Variants in TRIM29 observed in about 807,000 individuals in gnomAD.
TRIM29 encodes tripartite motif-containing protein 29.
Under a neutral mutation model 57.3 loss-of-function variants are expected in TRIM29, and 52 were observed. The ratio of observed to expected loss-of-function variants is 0.91; its 90% CI spans 0.73 to 1.14. The LOEUF is 1.14. Ranked by LOEUF, TRIM29 falls within the 50% of genes most tolerant of loss-of-function variation. TRIM29 has a pLI of 0.00. For missense variants in TRIM29, 753 were observed against 774.6 expected (o/e 0.97, Z 0.33); for synonymous variants, 319 against 316.9 (o/e 1.01, Z -0.07).
chr11:120,135,057 C>G (rs1863791077), intron 1 of TRIM29, among the ~76,000 whole-genome samples: 1 of 152,170 alleles, frequency 6.6e-6, no homozygotes, highest in Non-Finnish European at 1.5e-5. Flanking sequence ...TCAGCGGCCC[C>G]CATGCCAGAA....
intron 1 of TRIM29, among the ~76,000 whole-genome samples, chr11:120,130,490 T>C (rs1012467776): frequency 3.9e-5 from 6 of 152,242 alleles, no homozygotes; most frequent in Admixed American, 3.9e-4. Context: ...AGCCCTTCCA[T>C]GAAATGAGCA....
At position 120,118,239 on chromosome 11, in the gene TRIM29, G is replaced by A. The variant is rs1377730029; in HGVS notation, c.1611C>T (p.Ser537=). The A allele has an allele frequency of 3.1e-6, 5 of 1,613,918 alleles. No individual in the cohort carries two copies. Among genetic ancestry groups the A allele is most frequent in the Non-Finnish European group, 4.2e-6 (5 of 1,179,964 alleles). Residue 537 remains serine (S), a synonymous_variant, in exon 7 of 9, where the codon TCC becomes TCT. Coordinates refer to ENST00000341846, the MANE Select transcript of TRIM29 (RefSeq NM_012101.4). ...DNDLPVVQGS[S]SFSLKGYPSL... ...CAAGCTCACCTTTCAGGGAGAAGGA[G>A]GAGCTGCCTTGGACGACGGGCAGGT...
intron 8 of TRIM29, among the ~76,000 whole-genome samples, chr11:120,112,693 T>C (rs1863164694): frequency 6.6e-6 from 1 of 152,136 alleles, no homozygotes; most frequent in African/African-American, 2.4e-5. Context: ...TTGGAGTCCA[T>C]TCCCATAGTT....
chr11:120,119,836 C>T (rs1025707244), intron 6 of TRIM29, among the ~76,000 whole-genome samples: 8 of 152,106 alleles, frequency 5.3e-5, no homozygotes, highest in Non-Finnish European at 7.4e-5. Context: ...CCAGGAGCCC[C>T]CAGGACAGAA....
intron 1 of TRIM29, among the ~76,000 whole-genome samples, chr11:120,131,095 G>T (rs1005826542): frequency 6.6e-5 from 10 of 152,170 alleles, no homozygotes; most frequent in Non-Finnish European, 1.3e-4. Context: ...CTAACCACCT[G>T]CAAGTGGCAG....
At chr11:120,123,275 C>T (rs1193478372) in intron 4 of TRIM29, 18 of 687,822 alleles carry the variant, frequency 2.6e-5, no homozygotes, top group Non-Finnish European at 4.5e-5. Flanking sequence ...GCCATCCACC[C>T]TCTTGAACTA....
At chr11:120,113,493 C>T (rs1427523534) in intron 8 of TRIM29, 12 of 376,102 alleles carry the variant, frequency 3.2e-5, no homozygotes, top group Middle Eastern at 8.8e-4. Context: ...CCATGCCCTG[C>T]AGATCCCAAT....
chr11:120,119,586 C>A (rs753013729), intron 6 of TRIM29, among the ~76,000 whole-genome samples: 1 of 152,206 alleles, frequency 6.6e-6, no homozygotes, highest in African/African-American at 2.4e-5. Context: ...CCTGTAGCAG[C>A]GAACAGGACA....
intron 1 of TRIM29, 200 bp from the exon 2 acceptor site, chr11:120,128,695 G>T (rs1223885235): frequency 6.5e-7 from 1 of 1,535,696 alleles, no homozygotes; most frequent in East Asian, 2.4e-5. Flanking sequence ...CTAGCAGTAA[G>T]TTAAATACCA....
At chr11:120,125,381 A>G in intron 4 of TRIM29, 1 of 377,602 alleles carries the variant, frequency 2.6e-6, no homozygotes, top group Non-Finnish European at 4.9e-6. Flanking sequence ...AATTAGATGT[A>G]GATCTGAACG....
At chr11:120,133,303 G>A (rs1186285226) in intron 1 of TRIM29, among the ~76,000 whole-genome samples, 1 of 152,196 alleles carries the variant, frequency 6.6e-6, no homozygotes, top group Non-Finnish European at 1.5e-5. Context: ...AAATAGCGGA[G>A]AGGAATCCCA....
intron 1 of TRIM29, chr11:120,128,804 G>A: frequency 6.5e-7 from 1 of 1,529,834 alleles, no homozygotes; most frequent in African/African-American, 1.4e-5. Context: ...AGAGCAGGAG[G>A]GAAACTCATT....
intron 1 of TRIM29, among the ~76,000 whole-genome samples, chr11:120,129,105 G>C (rs141262177): frequency 6.6e-6 from 1 of 152,332 alleles, no homozygotes; most frequent in East Asian, 1.9e-4. Flanking sequence ...GAAGGAGAAG[G>C]CTGGAGAGGA....
At chr11:120,123,912 G>A (rs776892824) in intron 4 of TRIM29, 1 of 199,630 alleles carries the variant, frequency 5.0e-6, no homozygotes, top group Non-Finnish European at 1.0e-5. Flanking sequence ...GTGGCCTGGT[G>A]TCTCTTAGCG....
intron 5 of TRIM29, chr11:120,122,129 TGA>T: frequency 6.2e-6 from 2 of 324,560 alleles, no homozygotes; most frequent in South Asian, 2.1e-5. Context: ...ATTGTGTGTG[TGA>T]GTGTGTGTGT....
chr11:120,128,817 C>T, intron 1 of TRIM29: 2 of 1,526,142 alleles, frequency 1.3e-6, no homozygotes, highest in South Asian at 1.2e-5. Flanking sequence ...AACTCATTTA[C>T]AGGGTGCTTG....
At position 120,137,770 on chromosome 11, in the gene TRIM29, C is replaced by T. The variant is rs377425574; in HGVS notation, c.262G>A (p.Asp88Asn). 1 of 1,612,116 alleles carries T rather than the reference C, an allele frequency of 6.2e-7. No individual in the cohort carries two copies. Among genetic ancestry groups the T allele is most frequent in the South Asian group, 1.1e-5 (1 of 91,082 alleles). The change falls in exon 1 of 9, where the codon GAC becomes AAC. Residue 88 changes from aspartate (D) to asparagine (N), a missense_variant. Physicochemically the swap from Asp to Asn is conservative, Grantham distance 23 (BLOSUM62 1). Coordinates refer to ENST00000341846, the MANE Select transcript of TRIM29 (RefSeq NM_012101.4). This position sits in a 1 kb window ranked among gnomAD's most constrained non-coding sequence, Gnocchi z 6.2. ...PIIQFVESGD[D>N]KNSNYFSMDS... Reference sequence around the variant, plus strand: ...ATGCTGAAGTAGTTGGAGTTCTTGTCGTCCCCGGACTCGACAAACTGGATG... The same window carrying T: ...ATGCTGAAGTAGTTGGAGTTCTTGTTGTCCCCGGACTCGACAAACTGGATG...
intron 7 of TRIM29, 167 bp from the exon 8 acceptor site, chr11:120,115,581 G>A (rs527655513): frequency 1.6e-4 from 96 of 618,646 alleles, no homozygotes; most frequent in Middle Eastern, 5.2e-4. Flanking sequence ...TGCCGCAACC[G>A]AAAATCCTGG....
chr11:120,129,526 G>A (rs1490712211), intron 1 of TRIM29, among the ~76,000 whole-genome samples: 3 of 152,148 alleles, frequency 2.0e-5, no homozygotes, highest in Non-Finnish European at 4.4e-5. Flanking sequence ...ATCACCTTGC[G>A]GAGCCCAAAA....
Sources: allele counts gnomAD v4.1 joint callset (sites outside exome capture counted in the v4.1 genomes callset), GRCh38; gene constraint gnomAD v4.1.1; non-coding constraint Gnocchi (gnomAD v3.1); transcripts MANE v1.5; gene names NCBI Gene and HGNC (gene_info 2026-07-23, HGNC 2026-07-21).